The following MDN1 variants were observed in gnomAD, a reference collection of about 807,000 sequenced individuals.
The protein encoded by MDN1 is midasin.
MDN1 carries 266 observed loss-of-function variants against 669.2 expected under a neutral mutation model. The observed-to-expected ratio is 0.40, with a 90% CI of 0.36 to 0.44. MDN1 has a LOEUF of 0.44. MDN1 is among the 20% of genes least tolerant of loss of function. MDN1 has a pLI of 1.00. For synonymous variants in MDN1, 2,385 were observed against 2,457.1 expected, an observed-to-expected ratio of 0.97 and a Z score of 0.87; for missense variants, 5,940 against 6,754.0, an observed-to-expected ratio of 0.88 and a Z score of 4.22.
chr6:89,776,902 T>C (rs1818382991), intron 11 of MDN1, among the ~76,000 whole-genome samples: 2 of 151,954 alleles, frequency 1.3e-5, no homozygotes, highest in Admixed American at 1.3e-4. Flanking sequence ...TATAAATAAT[T>C]GACTATTGAA....
rs764279883 is a variant in MDN1 at position 89,772,655 on chromosome 6, G to T, written c.2001C>A (p.Val667=). 3.1e-6 allele frequency: 5 copies of T among 1,613,996 alleles called. No homozygotes were observed. Residue 667 remains valine (V), a synonymous_variant, in exon 14 of 102, where the codon GTC becomes GTA. Transcript: ENST00000369393. ...CCAGCAACACAGGCTCCCCTTTGCT[G>T]ACACACACTGCAAGCTGCTCGATGA... The part of the protein sequence containing the change: ...SVLIEQLAVC[V]SKGEPVLLVG...
At chr6:89,774,828 T>TA (rs1229666238) in intron 12 of MDN1, 95 bp from the exon 13 acceptor site, 1 of 760,156 alleles carries the variant, frequency 1.3e-6, no homozygotes, top group Non-Finnish European at 2.3e-6. Context: ...ATTAGCACTC[T>TA]ACAAAGAATT....
Position 89,651,128 on chromosome 6 carries a change from C to T in MDN1, c.15916-281G>A, listed in dbSNP as rs540237631. On this transcript the variant is annotated intron_variant, in intron 95 of 101. Transcript: ENST00000369393. ...ACCAGGAGTTCGAGACCAGCCTGGC[C>T]GACATGGTGAAACCCTGTCTCTACA... Among the ~76,000 whole-genome samples the T allele has an allele frequency of 8.3e-4, 123 of 147,870 alleles. 1 individual carries two copies. The highest frequency in any genetic ancestry group is 3.0e-3 in the African/African-American group (120 of 39,894).
rs886520340 is a variant in MDN1 at position 89,777,467 on chromosome 6, G to A, written c.1726-772C>T. On this transcript the variant is annotated intron_variant, in intron 11 of 101. Transcript: ENST00000369393. ...GTTTATAGTTTAACTTGGAAGCAAG[G>A]ATGATAATAGTCCCTTCCTAAAACT... Among the ~76,000 whole-genome samples the A allele has an allele frequency of 2.0e-5, 3 of 152,278 alleles. No homozygotes were observed. In the East Asian group the frequency reaches 5.8e-4, roughly 29 times the overall value.
Position 89,722,497 on chromosome 6 carries a change from C to T in MDN1, c.5967+458G>A, listed in dbSNP as rs576213016. Among the ~76,000 whole-genome samples, 9 of 152,204 alleles carry T rather than the reference C, an allele frequency of 5.9e-5. 1 individual carries two copies. The highest frequency in any genetic ancestry group is 5.2e-4 in the Admixed American group (8 of 15,288). On this transcript the variant is annotated intron_variant, in intron 40 of 101. Coordinates refer to ENST00000369393, the MANE Select transcript of MDN1 (RefSeq NM_014611.3). ...AGCAAGCTACTCTATATTGTGAGACCCCAAGGTAGGAGAACGTTTAGTCTG... is the reference window on the plus strand; with the variant it reads ...AGCAAGCTACTCTATATTGTGAGACTCCAAGGTAGGAGAACGTTTAGTCTG...
chr6:89,793,781 A>T lies in MDN1; in HGVS notation c.836T>A (p.Leu279Gln). 4 of 1,613,924 alleles carry T rather than the reference A, an allele frequency of 2.5e-6. No individual in the cohort carries two copies. Among genetic ancestry groups the T allele is most frequent in the Non-Finnish European group, 3.4e-6 (4 of 1,179,906 alleles). ...AVCGVVLPGQ[L>Q]PAPGELGGNR... ...ACATACCAGCTCTCCAGGGGCTGGC[A>T]GCTGCCCAGGCAGCACCACACCACA... Residue 279 changes from leucine (L) to glutamine (Q), a missense_variant, in exon 5 of 102, where the codon CTG (leucine) becomes CAG (glutamine). Leu to Gln is a moderately radical substitution (Grantham distance 113). Transcript: ENST00000369393.
In MDN1 at chr6:89,762,105, C is replaced by T. The variant is rs1817574676; in HGVS notation, c.2356+214G>A. 3.9e-5 allele frequency among the ~76,000 whole-genome samples: 6 copies of T among 152,184 alleles called. No individual in the cohort carries two copies. In the South Asian group the frequency reaches 6.2e-4, roughly 16 times the overall value. Reference sequence around the variant, plus strand: ...GCTTTTTCTGAGGAAATGTGCCTTACTGACCACTAAATAGTACTTGCACAT... The same window carrying T: ...GCTTTTTCTGAGGAAATGTGCCTTATTGACCACTAAATAGTACTTGCACAT... On this transcript the variant is annotated intron_variant, in intron 16 of 101. Transcript: ENST00000369393.
At chr6:89,689,739 G>A in intron 65 of MDN1, 131 bp downstream of exon 65, 1 of 1,132,528 alleles carries the variant, frequency 8.8e-7, no homozygotes, top group Non-Finnish European at 1.2e-6. Flanking sequence ...AGTTCTTTAA[G>A]CCAAGGAAAC....
intron 94 of MDN1, 42 bp downstream of exon 94, chr6:89,652,950 T>G (rs1429112414): frequency 6.4e-7 from 1 of 1,557,890 alleles, no homozygotes; most frequent in East Asian, 2.2e-5. Flanking sequence ...TTTGTTAATT[T>G]ATTAACACTA....
chr6:89,800,437 A>C (rs766896248), intron 2 of MDN1, among the ~76,000 whole-genome samples: 2 of 152,124 alleles, frequency 1.3e-5, no homozygotes, highest in Non-Finnish European at 2.9e-5. Flanking sequence ...CAAAAAAAAC[A>C]AACAACGACA....
At chr6:89,662,260 A>T (rs776980986) in intron 86 of MDN1, 21 bp from the exon 87 acceptor site, 6 of 1,599,300 alleles carry the variant, frequency 3.8e-6, no homozygotes, top group Non-Finnish European at 5.1e-6. Context: ...GAGGAAGAAA[A>T]AACAATCATC....
At position 89,712,202 on chromosome 6, in the gene MDN1, A is replaced by G. The variant is rs749598988; in HGVS notation, c.7485T>C (p.Pro2495=). The G allele has an allele frequency of 6.2e-7, 1 of 1,614,174 alleles. No individual in the cohort carries two copies. The highest frequency in any genetic ancestry group is 8.5e-7 in the Non-Finnish European group (1 of 1,180,010). Residue 2495 remains proline, a synonymous_variant, in exon 49 of 102, where the codon CCT becomes CCC. Transcript: ENST00000369393. The stretch of plus-strand genomic sequence containing the variant: ...CGACTGCATTGAATTTCAGGTTCTC[A>G]GGGCTGGGGGACTGCATAATTTTCT... ...DLEKIMQSPS[P]ENLKFNAVEV...
chr6:89,749,122 T>C, intron 26 of MDN1, 101 bp downstream of exon 26: 1 of 1,157,064 alleles, frequency 8.6e-7, no homozygotes, highest in Non-Finnish European at 1.2e-6. Flanking sequence ...AATCTCTACT[T>C]GGAAAAATAC....
chr6:89,754,426 A>G (rs1817125214), intron 20 of MDN1, among the ~76,000 whole-genome samples, 196 bp from the exon 21 acceptor site: 1 of 152,246 alleles, frequency 6.6e-6, no homozygotes, highest in African/African-American at 2.4e-5. Context: ...TCAAAATAAA[A>G]AATGAACACC....
At chr6:89,712,012 G>C (rs758027699) in intron 49 of MDN1, 24 bp downstream of exon 49, 2 of 1,580,018 alleles carry the variant, frequency 1.3e-6, no homozygotes, top group Non-Finnish European at 1.7e-6. Flanking sequence ...CACATCAGTG[G>C]ACAAATTAAG....
chr6:89,800,156 G>T (rs1401063073), intron 2 of MDN1, among the ~76,000 whole-genome samples: 1 of 151,974 alleles, frequency 6.6e-6, no homozygotes, highest in African/African-American at 2.4e-5. Flanking sequence ...GGCCGGGCAC[G>T]GTGGCTCACA....
chr6:89,787,111 G>A (rs1819006835), intron 8 of MDN1, among the ~76,000 whole-genome samples: 1 of 151,756 alleles, frequency 6.6e-6, no homozygotes, highest in Non-Finnish European at 1.5e-5. Flanking sequence ...GTCTAGGGAG[G>A]TATTCCTTGA....
rs141646425 is a variant in MDN1, at chr6:89,675,517, G to A, written c.12708C>T (p.Leu4236=). 2.2e-5 allele frequency: 36 copies of A among 1,613,806 alleles called. No homozygotes were observed. The African/African-American group carries it at 2.4e-4, about 11-fold the overall frequency. The change falls in exon 78 of 102, where the codon CTC becomes CTT. Residue 4236 remains leucine, a synonymous_variant. Transcript: ENST00000369393. The part of the protein sequence containing the change: ...RGFSAHLMKM[L]VRQRRSLTTL... ...TGGTCAGGGAGCGCCGCTGTCGGAC[G>A]AGCATCTTCATCAAATGTGCTGAGA...
intron 20 of MDN1, 50 bp downstream of exon 20, chr6:89,756,227 T>G (rs758994410): frequency 4.5e-6 from 4 of 895,876 alleles, no homozygotes; most frequent in Non-Finnish European, 6.7e-6. Context: ...GAGTAGCACA[T>G]TTTCATGTTC....
Sources: gnomAD v4.1 joint callset for allele counts (sites outside exome capture counted in the v4.1 genomes callset) on GRCh38, gnomAD v4.1.1 for gene constraint, MANE v1.5 for transcripts, NCBI Gene and HGNC (gene_info 2026-07-23, HGNC 2026-07-21) for gene names.